Variants in ZC3H12B observed in about 807,000 individuals in gnomAD.
ZC3H12B encodes the protein zinc finger CCCH-type containing 12B.
In ZC3H12B, 7 loss-of-function variants were observed where a neutral mutation model predicts 43.9. The observed-to-expected ratio is 0.16, with a 90% confidence interval of 0.09 to 0.30. The LOEUF (loss-of-function observed/expected upper bound fraction) is 0.30, where lower values mean the gene tolerates loss of function less well. ZC3H12B is among the 10% of genes least tolerant of loss of function. The probability of loss-of-function intolerance (pLI) is 1.00; values close to 1 mark genes in which losing one functional copy is unlikely to be tolerated. For missense variants in ZC3H12B, 475 were observed against 670.2 expected, an observed-to-expected ratio of 0.71 and a Z score of 3.22; for synonymous variants, 222 against 241.7, an observed-to-expected ratio of 0.92 and a Z score of 0.76.
chrX:65,408,541 T>G, intron 3 of ZC3H12B: 1 of 1,202,778 alleles, frequency 8.3e-7, no homozygotes, highest in Middle Eastern at 2.3e-4. Flanking sequence ...TTCAGCCTCC[T>G]GGAATCCCGC....
At chrX:65,405,654 C>T (rs1222770688) in intron 3 of ZC3H12B, among the ~76,000 whole-genome samples, 1 of 110,951 alleles carries the variant, frequency 9.0e-6, no homozygotes, top group African/African-American at 3.3e-5. Context: ...AAGATTAAAA[C>T]AAATAAATGA....
At chrX:65,285,673 C>T in the ZC3H12B span, among the ~76,000 whole-genome samples, 2 of 111,450 alleles carry the variant, frequency 1.8e-5, no homozygotes, top group Non-Finnish European at 3.8e-5. Context: ...GAATTTGTTA[C>T]CACTACACTA....
chrX:65,058,698 C>T, the ZC3H12B span, among the ~76,000 whole-genome samples: 16 of 111,912 alleles, frequency 1.4e-4, 1 homozygote, highest in African/African-American at 4.2e-4. Flanking sequence ...GTCAGGCAGA[C>T]CTCCTTCAGC....
At chrX:65,492,242 A>G (rs1316816654) in intron 1 of ZC3H12B, among the ~76,000 whole-genome samples, 1 of 112,025 alleles carries the variant, frequency 8.9e-6, no homozygotes, top group Non-Finnish European at 1.9e-5. Flanking sequence ...TGGTAATGTA[A>G]TATCTTCCTT....
At chrX:65,158,914 T>C in the ZC3H12B span, among the ~76,000 whole-genome samples, 1 of 112,146 alleles carries the variant, frequency 8.9e-6, no homozygotes, top group African/African-American at 3.2e-5. Context: ...AGGTCTAACA[T>C]TTAAGTCTTT....
chrX:65,363,755 C>T (rs1182078794), upstream of ZC3H12B, among the ~76,000 whole-genome samples: 2 of 112,214 alleles, frequency 1.8e-5, no homozygotes, highest in Non-Finnish European at 3.8e-5. Context: ...TGTCTCCATG[C>T]AGCGGCCGCT....
chrX:65,059,219 AC>A, the ZC3H12B span, among the ~76,000 whole-genome samples: 626 of 38,314 alleles, frequency 0.016, 12 homozygotes, highest in East Asian at 0.24. Flanking sequence ...TCTTGGAACC[AC>A]CCCCCCCCCG....
the ZC3H12B span, among the ~76,000 whole-genome samples, chrX:65,128,038 T>C: frequency 8.9e-6 from 1 of 111,863 alleles, no homozygotes; most frequent in Non-Finnish European, 1.9e-5. Flanking sequence ...TCAAAGGGTC[T>C]GTGGTTTCTT....
the ZC3H12B span, among the ~76,000 whole-genome samples, chrX:65,189,616 T>C: frequency 1.9e-5 from 2 of 103,073 alleles, no homozygotes; most frequent in Non-Finnish European, 3.9e-5. Flanking sequence ...TGTCTGTTCA[T>C]GTCCTTCGCC....
chrX:65,289,143 T>C, the ZC3H12B span, among the ~76,000 whole-genome samples: 8 of 111,237 alleles, frequency 7.2e-5, no homozygotes, highest in African/African-American at 2.6e-4. Context: ...GAAAAGTTAA[T>C]GTTATTAAAG....
At chrX:65,343,162 G>A in the ZC3H12B span, among the ~76,000 whole-genome samples, 15 of 110,992 alleles carry the variant, frequency 1.4e-4, no homozygotes, top group African/African-American at 4.6e-4. Context: ...TCTGAAGTTG[G>A]TTCAGTAATA....
the ZC3H12B span, among the ~76,000 whole-genome samples, chrX:65,265,175 T>G: frequency 1.8e-5 from 2 of 112,185 alleles, no homozygotes; most frequent in Non-Finnish European, 3.8e-5. Flanking sequence ...TCTTCTTCCC[T>G]GTTCAGAGAA....
At chrX:65,303,470 A>G in the ZC3H12B span, among the ~76,000 whole-genome samples, 1 of 112,549 alleles carries the variant, frequency 8.9e-6, no homozygotes, top group East Asian at 2.8e-4. Context: ...AGATGCAGAA[A>G]ATGCATTTGA....
At chrX:65,215,443 AGAC>A in the ZC3H12B span, among the ~76,000 whole-genome samples, 11 of 111,078 alleles carry the variant, frequency 9.9e-5, no homozygotes, top group Non-Finnish European at 2.1e-4. Flanking sequence ...AATCTTATGG[AGAC>A]GGCTGCTTTA....
chrX:65,254,368 T>C, the ZC3H12B span, among the ~76,000 whole-genome samples: 2 of 112,397 alleles, frequency 1.8e-5, no homozygotes, highest in African/African-American at 6.5e-5. Context: ...GTTTCTAATC[T>C]TAAGGAGCTA....
chrX:65,364,010 T>A (rs1314613336), upstream of ZC3H12B, among the ~76,000 whole-genome samples: 2 of 110,975 alleles, frequency 1.8e-5, no homozygotes, highest in Non-Finnish European at 3.8e-5. Context: ...CATGACTGTA[T>A]CTCTCTGATA....
At chrX:65,437,598 AT>A (rs1350707707) in intron 3 of ZC3H12B, among the ~76,000 whole-genome samples, 1 of 111,393 alleles carries the variant, frequency 9.0e-6, no homozygotes, top group African/African-American at 3.3e-5. Context: ...ATATTTTTAG[AT>A]TTTTTTCTAT....
intron 3 of ZC3H12B, among the ~76,000 whole-genome samples, chrX:65,429,763 G>T (rs1277885206): frequency 8.9e-6 from 1 of 112,415 alleles, no homozygotes; most frequent in Non-Finnish European, 1.9e-5. Flanking sequence ...GTCCCATTCA[G>T]TGAAGAGGAA....
chrX:65,135,111 A>G, the ZC3H12B span, among the ~76,000 whole-genome samples: 1 of 111,614 alleles, frequency 9.0e-6, no homozygotes, highest in Middle Eastern at 4.7e-3. Flanking sequence ...ATAATGAAGT[A>G]TATATACACA....
Sources: allele counts gnomAD v4.1 joint callset (sites outside exome capture counted in the v4.1 genomes callset), GRCh38; gene constraint gnomAD v4.1.1; transcripts MANE v1.5; gene names NCBI Gene and HGNC (gene_info 2026-07-23, HGNC 2026-07-21).